The following LINGO2 variants were observed in gnomAD, a reference collection of about 807,000 sequenced individuals.
LINGO2 encodes leucine rich repeat and Ig domain containing 2.
In LINGO2, 14 loss-of-function variants were observed where a neutral mutation model predicts 30.6. The ratio of observed to expected loss-of-function variants is 0.46; its 90% CI spans 0.30 to 0.72. The LOEUF (loss-of-function observed/expected upper bound fraction) is 0.72, where lower values mean the gene tolerates loss of function less well. LINGO2 is among the 30% of genes least tolerant of loss of function. The probability of loss-of-function intolerance (pLI) is 0.07; values close to 1 mark genes in which losing one functional copy is unlikely to be tolerated. For synonymous variants in LINGO2, 317 were observed against 288.5 expected (o/e 1.10, Z -1.00); for missense variants, 729 against 751.7 (o/e 0.97, Z 0.35).
chr9:29,031,294 T>C, the LINGO2 span, among the ~76,000 whole-genome samples: 1 of 152,006 alleles, frequency 6.6e-6, no homozygotes, highest in Non-Finnish European at 1.5e-5. Flanking sequence ...TATTTATTTA[T>C]TTATTTAGAG....
rs184069030 is a variant in LINGO2 at position 28,305,718 on chromosome 9, T to C, written c.-245-10352A>G. On this transcript the variant is annotated intron_variant, in intron 3 of 5. Transcript: ENST00000379992. ...CATTGCTCAGAAAAATTAGAATCCG[T>C]ATGTAATTTCTTTAAAAAATTCTGT... Among the ~76,000 whole-genome samples, 286 of 152,124 alleles carry C rather than the reference T, an allele frequency of 1.9e-3. 1 individual carries two copies. Among genetic ancestry groups the C allele is most frequent in the African/African-American group, 6.3e-3 (262 of 41,538 alleles).
At chr9:28,215,422 T>C (rs1174633395) in intron 4 of LINGO2, among the ~76,000 whole-genome samples, 4 of 151,828 alleles carry the variant, frequency 2.6e-5, no homozygotes, top group African/African-American at 7.2e-5. Flanking sequence ...GTAAAAATGT[T>C]GCGCATATAG....
intron 5 of LINGO2, among the ~76,000 whole-genome samples, chr9:27,982,929 A>G (rs1040115145): frequency 6.6e-6 from 1 of 151,800 alleles, no homozygotes; most frequent in Non-Finnish European, 1.5e-5. Flanking sequence ...AGTGCTACAT[A>G]CATGTTATCA....
At chr9:28,485,339 A>G (rs1452792163) in intron 1 of LINGO2, among the ~76,000 whole-genome samples, 2 of 152,140 alleles carry the variant, frequency 1.3e-5, no homozygotes, top group Non-Finnish European at 2.9e-5. Flanking sequence ...GATGATACAA[A>G]GTAATATCAT....
At chr9:28,472,321 T>C (rs898726604) in intron 2 of LINGO2, among the ~76,000 whole-genome samples, 3 of 102,052 alleles carry the variant, frequency 2.9e-5, no homozygotes, top group Admixed American at 1.0e-4. Context: ...TGACTTCAAG[T>C]TTTTTTTTTT....
chr9:28,069,807 C>A (rs1048556296), intron 4 of LINGO2, among the ~76,000 whole-genome samples: 25 of 152,184 alleles, frequency 1.6e-4, no homozygotes, highest in African/African-American at 5.3e-4. Context: ...AGTGTGCTGG[C>A]TGGTCCCAGT....
the LINGO2 span, among the ~76,000 whole-genome samples, chr9:29,026,413 ATAAT>A: frequency 6.6e-6 from 1 of 152,156 alleles, no homozygotes; most frequent in Non-Finnish European, 1.5e-5. Context: ...CCTTTGGTAA[ATAAT>A]TAAATAAATG....
intron 3 of LINGO2, among the ~76,000 whole-genome samples, chr9:28,368,595 T>TTTTC (rs1491398861): frequency 0.26 from 14,190 of 53,584 alleles, 598 homozygotes; most frequent in East Asian, 0.44. Context: ...TTTTCTTTTC[T>TTTTC]TTTTTTTTTT....
At chr9:28,156,281 C>T (rs193040575) in intron 4 of LINGO2, among the ~76,000 whole-genome samples, 19 of 152,292 alleles carry the variant, frequency 1.2e-4, no homozygotes, top group African/African-American at 3.6e-4. Flanking sequence ...AAATGTTGCT[C>T]CTTTCAACAG....
At chr9:28,055,117 A>G (rs944843396) in intron 4 of LINGO2, among the ~76,000 whole-genome samples, 18 of 152,190 alleles carry the variant, frequency 1.2e-4, no homozygotes, top group African/African-American at 4.3e-4. Context: ...ACTTACAGAA[A>G]GCATTTCAAA....
intron 4 of LINGO2, among the ~76,000 whole-genome samples, chr9:28,176,417 A>G (rs1026965328): frequency 2.0e-5 from 3 of 152,178 alleles, no homozygotes; most frequent in African/African-American, 7.2e-5. Context: ...AGCAGTTTTC[A>G]TCTGAATTTT....
At chr9:28,657,484 G>C (rs1025839891) in intron 1 of LINGO2, among the ~76,000 whole-genome samples, 4 of 151,818 alleles carry the variant, frequency 2.6e-5, no homozygotes, top group Non-Finnish European at 4.4e-5. Context: ...ATTCTTAGTA[G>C]ATTGCATGTT....
rs567074468 is a variant in LINGO2 at position 28,561,671 on chromosome 9, A to G, written c.-364-85646T>C. Among the ~76,000 whole-genome samples, 284 of 133,760 alleles carry G rather than the reference A, an allele frequency of 2.1e-3. 5 individuals carry two copies. Among genetic ancestry groups the G allele is most frequent in the South Asian group, 5.0e-3 (21 of 4,232 alleles). The allele number at this position is 133,760 out of a possible 152,430, so 87.8% of individuals were successfully genotyped here. A position where few individuals can be genotyped will look rare whatever the true frequency, so the allele number is the denominator to read the frequency against. ...TATATATGTATAATATATATAAATTATATATAAATGTATTATATATGTATA... is the reference window on the plus strand; with the variant it reads ...TATATATGTATAATATATATAAATTGTATATAAATGTATTATATATGTATA... On this transcript the variant is annotated intron_variant, in intron 1 of 5. Coordinates refer to ENST00000379992, the Ensembl canonical transcript of LINGO2.
chr9:28,662,249 A>G (rs1487366909), intron 1 of LINGO2, among the ~76,000 whole-genome samples: 1 of 152,184 alleles, frequency 6.6e-6, no homozygotes, highest in Non-Finnish European at 1.5e-5. Flanking sequence ...AAATCGGTTT[A>G]CCAGAGGCCT....
the LINGO2 span, among the ~76,000 whole-genome samples, chr9:29,043,999 A>G: frequency 3.3e-5 from 5 of 152,046 alleles, no homozygotes; most frequent in African/African-American, 1.2e-4. Context: ...TGAAAGAACA[A>G]TGATAAAGCG....
the LINGO2 span, among the ~76,000 whole-genome samples, chr9:29,035,070 T>C: frequency 6.6e-6 from 1 of 152,236 alleles, no homozygotes; most frequent in Non-Finnish European, 1.5e-5. Context: ...AAAGCCTCTT[T>C]AGATGATTAA....
the LINGO2 span, among the ~76,000 whole-genome samples, chr9:28,930,558 T>C: frequency 6.6e-6 from 1 of 152,222 alleles, no homozygotes. The surrounding 1 kb of genome is among the most constrained non-coding windows in gnomAD (Gnocchi z 4.2). Context: ...ACCTGAATTA[T>C]ATGATTTGAC....
chr9:29,047,796 T>C, the LINGO2 span, among the ~76,000 whole-genome samples: 218 of 152,260 alleles, frequency 1.4e-3, no homozygotes, highest in Non-Finnish European at 2.4e-3. Context: ...AAAATCAACA[T>C]ACAAAAATCA....
At chr9:29,102,167 C>T in the LINGO2 span, among the ~76,000 whole-genome samples, 2 of 152,040 alleles carry the variant, frequency 1.3e-5, no homozygotes, top group South Asian at 2.1e-4. Context: ...CTACAAGCTC[C>T]GCCTCCGGGG....
Sources: allele counts gnomAD v4.1 joint callset (sites outside exome capture counted in the v4.1 genomes callset), GRCh38; gene constraint gnomAD v4.1.1; non-coding constraint Gnocchi (gnomAD v3.1); transcripts MANE v1.5; gene names NCBI Gene and HGNC (gene_info 2026-07-23, HGNC 2026-07-21).